Variants in IL20RB observed in about 807,000 individuals in gnomAD.
The protein encoded by IL20RB is interleukin-20 receptor subunit beta.
Under a neutral mutation model 33.3 loss-of-function variants are expected in IL20RB, and 21 were observed. That is an observed-to-expected ratio of 0.63 (90% CI 0.45 to 0.91). The LOEUF (loss-of-function observed/expected upper bound fraction) is 0.91, where lower values mean the gene tolerates loss of function less well. IL20RB is among the 40% of genes least tolerant of loss of function. IL20RB has a pLI of 0.00. For missense variants in IL20RB, 345 were observed against 384.8 expected (o/e 0.90, Z 0.86); for synonymous variants, 147 against 146.8 (o/e 1.00, Z -0.01).
chr3:136,974,124 T>C (rs577697462), intron 1 of IL20RB, among the ~76,000 whole-genome samples: 1 of 152,314 alleles, frequency 6.6e-6, no homozygotes, highest in South Asian at 2.1e-4. Flanking sequence ...GTTTTACATA[T>C]TATTTAGTGT....
chr3:136,963,856 A>G (rs1577007813), intron 1 of IL20RB, among the ~76,000 whole-genome samples: 1 of 73,444 alleles, frequency 1.4e-5, no homozygotes. Context: ...CCCCGACCCC[A>G]CCACAGTCCC....
At chr3:137,002,343 TTGC>T (rs1942262555) in intron 6 of IL20RB, among the ~76,000 whole-genome samples, 1 of 152,226 alleles carries the variant, frequency 6.6e-6, no homozygotes, top group Non-Finnish European at 1.5e-5. Context: ...CCTTGAGGAA[TTGC>T]CACACTGTCT....
At chr3:136,995,596 A>ACCAGATGTAG (rs1351590605) in intron 6 of IL20RB, 40 bp downstream of exon 6, 5 of 1,604,708 alleles carry the variant, frequency 3.1e-6, no homozygotes, top group South Asian at 1.1e-5. Flanking sequence ...TATAACACTG[A>ACCAGATGTAG]CCAGATGTAG....
At chr3:136,973,881 A>G (rs1330977265) in intron 1 of IL20RB, among the ~76,000 whole-genome samples, 1 of 152,128 alleles carries the variant, frequency 6.6e-6, no homozygotes, top group Middle Eastern at 3.2e-3. Flanking sequence ...AAGTATAGCT[A>G]CTGCTCCTTG....
At chr3:136,979,561 C>A (rs1487811883) in intron 1 of IL20RB, among the ~76,000 whole-genome samples, 1 of 152,166 alleles carries the variant, frequency 6.6e-6, no homozygotes, top group Admixed American at 6.6e-5. Flanking sequence ...TTTGTGACTG[C>A]CCAAAGTCCT....
At chr3:136,988,848 A>C (rs536127751) in intron 3 of IL20RB, among the ~76,000 whole-genome samples, 3 of 152,312 alleles carry the variant, frequency 2.0e-5, no homozygotes, top group African/African-American at 7.2e-5. Context: ...ATCTGCTGAT[A>C]TGTGAAAGTT....
intron 1 of IL20RB, among the ~76,000 whole-genome samples, chr3:136,974,308 A>G (rs993171709): frequency 6.6e-6 from 1 of 152,060 alleles, no homozygotes; most frequent in African/African-American, 2.4e-5. Context: ...TCCCTTGAAC[A>G]TTTCTTGTAT....
chr3:137,006,011 CT>C (rs1230453144), intron 6 of IL20RB, among the ~76,000 whole-genome samples: 2 of 152,166 alleles, frequency 1.3e-5, no homozygotes, highest in Non-Finnish European at 2.9e-5. Context: ...TTTTATTTCT[CT>C]TTCACTTATG....
At chr3:136,962,418 C>T (rs1941244499) in intron 1 of IL20RB, among the ~76,000 whole-genome samples, 1 of 152,064 alleles carries the variant, frequency 6.6e-6, no homozygotes, top group African/African-American at 2.4e-5. Flanking sequence ...CAAAACCAAA[C>T]TGAGATACGT....
In IL20RB at chr3:136,983,566, A is replaced by C. The variant is rs527241074; in HGVS notation, c.406+1216A>C. Among the ~76,000 whole-genome samples, 32 of 152,332 alleles carry C rather than the reference A, an allele frequency of 2.1e-4. No individual in the cohort carries two copies. In the South Asian group the frequency reaches 5.8e-3, roughly 28 times the overall value. ...ATCCAAGAAACATGGCTGATTTAGA[A>C]AGGACAGAGCTTAGGAATCAAGTTT... On this transcript the variant is annotated intron_variant, in intron 3 of 6. Transcript: ENST00000329582.
chr3:136,964,038 G>C (rs1941308287), intron 1 of IL20RB, among the ~76,000 whole-genome samples: 1 of 56,464 alleles, frequency 1.8e-5, no homozygotes, highest in Non-Finnish European at 3.2e-5. Context: ...ATTTTTTATG[G>C]CTGCATAGTA....
intron 1 of IL20RB, among the ~76,000 whole-genome samples, chr3:136,974,282 A>G (rs1012607260): frequency 6.6e-6 from 1 of 152,042 alleles, no homozygotes; most frequent in Non-Finnish European, 1.5e-5. Context: ...TATTATTTCA[A>G]TTTCAGGTTT....
intron 1 of IL20RB, among the ~76,000 whole-genome samples, chr3:136,961,507 T>G (rs1330684152): frequency 6.6e-6 from 1 of 151,556 alleles, no homozygotes; most frequent in Admixed American, 6.6e-5. Context: ...GTGGGGCTCC[T>G]TAGAGAAGTG....
chr3:136,999,129 C>G lies in IL20RB; in HGVS notation c.825+3573C>G, dbSNP rs192403466. 3.2e-4 allele frequency among the ~76,000 whole-genome samples: 49 copies of G among 152,090 alleles called. No individual in the cohort carries two copies. In the East Asian group the frequency reaches 9.5e-3, roughly 29 times the overall value. ...TTATTTTTTTAGAGACAGGGTCTCA[C>G]TCTGCCACTCAGGCTGGAGTGCAGT... On this transcript the variant is annotated intron_variant, in intron 6 of 6. Transcript: ENST00000329582.
chr3:136,987,582 C>A (rs568316222), intron 3 of IL20RB, among the ~76,000 whole-genome samples: 12 of 152,230 alleles, frequency 7.9e-5, no homozygotes, highest in Non-Finnish European at 1.8e-4. Context: ...CTGCGCCCTG[C>A]GTCCGCACTC....
At chr3:137,000,078 T>C (rs1429013060) in intron 6 of IL20RB, among the ~76,000 whole-genome samples, 1 of 152,236 alleles carries the variant, frequency 6.6e-6, no homozygotes, top group African/African-American at 2.4e-5. Flanking sequence ...GTCTGGATAT[T>C]GCCAACAATA....
intron 1 of IL20RB, among the ~76,000 whole-genome samples, chr3:136,971,292 G>A (rs1230230539): frequency 6.6e-6 from 1 of 152,042 alleles, no homozygotes; most frequent in Non-Finnish European, 1.5e-5. Context: ...CACCACACCC[G>A]GCTAATTTTT....
chr3:136,986,800 C>G, intron 3 of IL20RB: 1 of 454,714 alleles, frequency 2.2e-6, no homozygotes, highest in Non-Finnish European at 4.4e-6. Flanking sequence ...TGTTACAGCT[C>G]TTAAGGTGGC....
chr3:136,958,119 G>C lies in IL20RB; in HGVS notation c.6G>C (p.Gln2His). M[Q>H]TFTMVLEEIW... ...GGTCAAACTGAGTCTACCAAATGCAGACTTTCACAATGGTTCTAGAAGAAA... is the reference window on the plus strand; with the variant it reads ...GGTCAAACTGAGTCTACCAAATGCACACTTTCACAATGGTTCTAGAAGAAA... Residue 2 changes from glutamine to histidine, a missense_variant, in exon 1 of 7, where the codon CAG (glutamine) becomes CAC (histidine). Gln to His is a conservative substitution (Grantham distance 24, BLOSUM62 0). Coordinates refer to ENST00000329582, the MANE Select transcript of IL20RB (RefSeq NM_144717.4). 2 of 1,598,562 alleles carry C rather than the reference G, an allele frequency of 1.3e-6. No individual in the cohort carries two copies. Among genetic ancestry groups the C allele is most frequent in the Non-Finnish European group, 8.6e-7 (1 of 1,166,216 alleles).
Sources: gnomAD v4.1 joint callset for allele counts (sites outside exome capture counted in the v4.1 genomes callset) on GRCh38, gnomAD v4.1.1 for gene constraint, MANE v1.5 for transcripts, NCBI Gene and HGNC (gene_info 2026-07-23, HGNC 2026-07-21) for gene names.